Variants in POC1B observed in about 807,000 individuals in gnomAD.
POC1B encodes the protein POC1 centriolar protein homolog B.
A neutral mutation model predicts 60.6 loss-of-function variants in POC1B; 44 were observed. The ratio of observed to expected loss-of-function variants is 0.73; its 90% CI spans 0.57 to 0.93. The LOEUF (loss-of-function observed/expected upper bound fraction) is 0.93. POC1B is among the 40% of genes least tolerant of loss of function. The pLI is 0.00. For synonymous variants in POC1B, 180 were observed against 198.9 expected (o/e 0.90, Z 0.80); for missense variants, 555 against 572.3 (o/e 0.97, Z 0.31).
chr12:89,471,768 CTTTTTTT>C (rs776025659), intron 5 of POC1B, 39 bp from the exon 6 acceptor site: 17 of 820,512 alleles, frequency 2.1e-5, no homozygotes, highest in East Asian at 3.1e-5. Context: ...ATTTCAATTT[CTTTTTTT>C]TTTTTTTTTG....
chr12:89,404,522 CTAGAA>C, the POC1B span, among the ~76,000 whole-genome samples: 1 of 152,160 alleles, frequency 6.6e-6, no homozygotes, highest in Non-Finnish European at 1.5e-5. Context: ...TGATGGAGCA[CTAGAA>C]TAGGAGTCCT....
chr12:89,419,101 G>C (rs1016705079), downstream of POC1B, among the ~76,000 whole-genome samples: 5 of 151,894 alleles, frequency 3.3e-5, no homozygotes, highest in Non-Finnish European at 7.4e-5. Context: ...AAGGAAAGCT[G>C]TCATTTTATT....
chr12:89,464,087 C>T (rs1454580906), intron 9 of POC1B, among the ~76,000 whole-genome samples: 1 of 152,114 alleles, frequency 6.6e-6, no homozygotes, highest in Non-Finnish European at 1.5e-5. Flanking sequence ...TTCATCAGTT[C>T]ACTTAGATAC....
intron 4 of POC1B, among the ~76,000 whole-genome samples, chr12:89,473,815 A>G (rs571409674): frequency 1.3e-5 from 2 of 152,120 alleles, no homozygotes; most frequent in Non-Finnish European, 2.9e-5. Context: ...GAAGGGCAGT[A>G]TTATAAAAAG....
intron 7 of POC1B, among the ~76,000 whole-genome samples, chr12:89,470,080 C>T (rs888004055): frequency 6.6e-6 from 1 of 152,044 alleles, no homozygotes; most frequent in Non-Finnish European, 1.5e-5. Context: ...TCATGTTGGC[C>T]AAGATGGTCT....
chr12:89,404,211 C>G, the POC1B span, among the ~76,000 whole-genome samples: 1 of 151,860 alleles, frequency 6.6e-6, no homozygotes, highest in African/African-American at 2.4e-5. Context: ...CCTACAGAGG[C>G]TTCTGATGGC....
intron 10 of POC1B, among the ~76,000 whole-genome samples, chr12:89,452,310 C>T (rs1882077596): frequency 6.6e-6 from 1 of 152,158 alleles, no homozygotes; most frequent in South Asian, 2.1e-4. Context: ...GGAACACCTC[C>T]AGTTCCCAGA....
intron 9 of POC1B, 166 bp from the exon 10 acceptor site, chr12:89,459,884 A>G: frequency 4.2e-6 from 2 of 477,530 alleles, no homozygotes; most frequent in South Asian, 8.3e-5. Context: ...TTAGCCTACC[A>G]ATTCTATCAA....
At chr12:89,469,027 G>A (rs1480887646) in intron 7 of POC1B, among the ~76,000 whole-genome samples, 1 of 152,186 alleles carries the variant, frequency 6.6e-6, no homozygotes, top group Non-Finnish European at 1.5e-5. Context: ...CACTTTGGGA[G>A]GCCAAGGCAG....
At position 89,476,529 on chromosome 12, in the gene POC1B, G is replaced by A. The variant is rs2135723268; in HGVS notation, c.453-4254C>T. ...TTGAGACAAGCCTAGGCAATATGGT[G>A]AATCCCCATCTCTGCTAAAAATGCA... On this transcript the variant is annotated intron_variant, in intron 4 of 11. Coordinates refer to ENST00000313546, the MANE Select transcript of POC1B (RefSeq NM_172240.3). 1.3e-5 allele frequency among the ~76,000 whole-genome samples: 2 copies of A among 152,192 alleles called. 1 individual carries two copies. The highest frequency in any genetic ancestry group is 6.8e-3 in the Middle Eastern group (2 of 294).
chr12:89,515,945 C>T (rs1246341914), intron 2 of POC1B, among the ~76,000 whole-genome samples: 4 of 152,152 alleles, frequency 2.6e-5, no homozygotes, highest in Non-Finnish European at 5.9e-5. Flanking sequence ...TTCAAATTCC[C>T]CTGGCAAAAA....
downstream of POC1B, among the ~76,000 whole-genome samples, chr12:89,419,416 C>T (rs1880437699): frequency 6.6e-6 from 1 of 152,182 alleles, no homozygotes. Context: ...TTTTGTATCA[C>T]TTATAAAGTT....
At chr12:89,524,723 TCCTC>T in intron 2 of POC1B, 1 of 685,334 alleles carries the variant, frequency 1.5e-6, no homozygotes, top group Non-Finnish European at 2.5e-6. Context: ...GCCCTCTCGG[TCCTC>T]GGCCTCCGGC....
chr12:89,444,147 C>T (rs572114601), intron 10 of POC1B, among the ~76,000 whole-genome samples: 8 of 152,130 alleles, frequency 5.3e-5, no homozygotes, highest in Admixed American at 3.3e-4. Flanking sequence ...AGGACCAGAA[C>T]GGTTTCACAG....
chr12:89,502,197 GAAT>G lies in POC1B; in HGVS notation c.101-4858_101-4856del. The G allele has an allele frequency of 3.5e-6, 4 of 1,152,166 alleles. No homozygotes were observed. In the Admixed American group the frequency reaches 5.7e-5, roughly 16 times the overall value. 71.4% of individuals were successfully genotyped at this position (1,152,166 alleles called of 1,614,324 possible). ...ATAATAATTATTTAATGTCTGGAAAGAATAATAATGATGTGGATGATGAGGAAG... is the reference window on the plus strand; with the variant it reads ...ATAATAATTATTTAATGTCTGGAAAGAATAATGATGTGGATGATGAGGAAG... On this transcript the variant is annotated intron_variant, in intron 2 of 11. Transcript: ENST00000313546.
At chr12:89,457,252 G>T (rs1190579634) in intron 10 of POC1B, among the ~76,000 whole-genome samples, 1 of 152,166 alleles carries the variant, frequency 6.6e-6, no homozygotes, top group African/African-American at 2.4e-5. Flanking sequence ...AAGCAAAAGA[G>T]AAACTGTCAG....
the POC1B span, among the ~76,000 whole-genome samples, chr12:89,410,482 C>G: frequency 6.6e-6 from 1 of 152,056 alleles, no homozygotes; most frequent in South Asian, 2.1e-4. Context: ...AGATCGAGAC[C>G]ATCCTGGCTA....
intron 10 of POC1B, among the ~76,000 whole-genome samples, chr12:89,440,816 G>C (rs1260396811): frequency 1.3e-5 from 2 of 152,248 alleles, no homozygotes; most frequent in South Asian, 4.1e-4. Context: ...GAAGCAGGGC[G>C]GGGCATCGCC....
Position 89,500,701 on chromosome 12 carries a change from C to CA in POC1B, c.101-3360dup, listed in dbSNP as rs1230135619. 3.6e-6 allele frequency: 5 copies of CA among 1,383,316 alleles called. No homozygotes were observed. In the African/African-American group the frequency reaches 5.9e-5, roughly 16 times the overall value. The allele number at this position is 1,383,316 out of a possible 1,614,324, so 85.7% of individuals were successfully genotyped here. ...CAAGTACAGAGGTTTCACTTAAAAC[C>CA]AAAAAAAGATTAAACTTTGAAGATA... On this transcript the variant is annotated intron_variant, in intron 2 of 11. Coordinates refer to ENST00000313546, the MANE Select transcript of POC1B (RefSeq NM_172240.3).
Sources: gnomAD v4.1 joint callset for allele counts (sites outside exome capture counted in the v4.1 genomes callset) on GRCh38, gnomAD v4.1.1 for gene constraint, MANE v1.5 for transcripts, NCBI Gene and HGNC (gene_info 2026-07-23, HGNC 2026-07-21) for gene names.